The following GLIS2 variants were observed in gnomAD, a reference collection of about 807,000 sequenced individuals.
The protein encoded by GLIS2 is zinc finger protein GLIS2.
A neutral mutation model predicts 35.6 loss-of-function variants in GLIS2; 14 were observed. The observed-to-expected ratio is 0.39, with a 90% CI of 0.26 to 0.61. The LOEUF is 0.61. Ranked by LOEUF, GLIS2 falls within the 20% of genes least tolerant of loss-of-function variation. GLIS2 has a pLI of 0.48. For missense variants in GLIS2, 675 were observed against 713.4 expected (o/e 0.95, Z 0.61); for synonymous variants, 368 against 325.1 (o/e 1.13, Z -1.42).
At chr16:4,327,487 A>G (rs2053445115) in intron 1 of GLIS2, among the ~76,000 whole-genome samples, 1 of 152,046 alleles carries the variant, frequency 6.6e-6, no homozygotes, top group South Asian at 2.1e-4. Flanking sequence ...GCCTTCCAGT[A>G]GGGAGGGTGG....
At chr16:4,315,900 G>C (rs1346886748), upstream of GLIS2, among the ~76,000 whole-genome samples, 2 of 148,920 alleles carry the variant, frequency 1.3e-5, no homozygotes, top group African/African-American at 2.5e-5. Context: ...TTTGCTGGGA[G>C]GGAGGGAGCG....
rs1275277625 is a variant in GLIS2, at chr16:4,316,138, C to T, written c.-183C>T. On this transcript the variant is annotated 5_prime_UTR_variant, in exon 1 of 7. Transcript: ENST00000433375. ...GGCGGCCGTGCCAGGGGAGCCCGCG[C>T]CCCGTGAGGCCTCGCGCCCCGGCCC... is the stretch of plus-strand genomic sequence containing the variant. 7.9e-3 allele frequency among the ~76,000 whole-genome samples: 1 copy of T among 126 alleles called. No homozygotes were observed. The highest frequency in any genetic ancestry group is 0.026 in the African/African-American group (1 of 38). The allele number at this position is 126 out of a possible 152,430, so 0.1% of individuals were successfully genotyped here.
rs977793955 is a variant in GLIS2, at chr16:4,339,234, C to T, written c.*1710C>T. On this transcript the variant is annotated 3_prime_UTR_variant, in exon 7 of 7. Coordinates refer to ENST00000433375, the MANE Select transcript of GLIS2 (RefSeq NM_032575.3). ...CCCCACCCAGGCCCTGAGCACCCCC[C>T]ACCCCTGTGAGGGCCCCAGGCCTTA... 6.5e-6 allele frequency: 1 copy of T among 152,766 alleles called. No individual in the cohort carries two copies. The highest frequency in any genetic ancestry group is 6.5e-5 in the Admixed American group (1 of 15,326). 9.5% of individuals were successfully genotyped at this position (152,766 alleles called of 1,614,324 possible).
At chr16:4,333,650 A>G (rs2053520591) in intron 3 of GLIS2, 131 bp downstream of exon 3, 1 of 1,083,438 alleles carries the variant, frequency 9.2e-7, no homozygotes, top group Non-Finnish European at 1.3e-6. Context: ...GCTGGAGTCT[A>G]CCTGGAAGGC....
At chr16:4,329,582 C>T (rs565866510) in intron 1 of GLIS2, among the ~76,000 whole-genome samples, 1 of 152,250 alleles carries the variant, frequency 6.6e-6, no homozygotes, top group South Asian at 2.1e-4. Flanking sequence ...ATTTTATGCC[C>T]TACTTGCTTG....
intron 1 of GLIS2, among the ~76,000 whole-genome samples, chr16:4,319,571 C>T (rs1014485854): frequency 6.6e-6 from 1 of 152,190 alleles, no homozygotes; most frequent in African/African-American, 2.4e-5. Context: ...GCGAGTCTCC[C>T]GGGCCACATC....
At chr16:4,317,386 G>A (rs1197457457) in intron 1 of GLIS2, among the ~76,000 whole-genome samples, 3 of 152,272 alleles carry the variant, frequency 2.0e-5, no homozygotes, top group East Asian at 3.9e-4. Flanking sequence ...GCCATCCTGC[G>A]TGTCCTGGCA....
chr16:4,333,598 G>A, intron 3 of GLIS2, 79 bp downstream of exon 3: 2 of 1,445,494 alleles, frequency 1.4e-6, no homozygotes, highest in South Asian at 2.6e-5. Flanking sequence ...CCAACACTGA[G>A]TGGTTTAAAA....
At chr16:4,316,615 C>T (rs760493129) in intron 1 of GLIS2, among the ~76,000 whole-genome samples, 4 of 151,794 alleles carry the variant, frequency 2.6e-5, no homozygotes, top group African/African-American at 9.7e-5. Context: ...GGGGGGTACC[C>T]GGAGCCTGGG....
In GLIS2 at chr16:4,334,891, G is replaced by GCCT. The variant is rs774507042; in HGVS notation, c.443_445dup (p.Ser148dup). 2 of 1,613,120 alleles carry GCCT rather than the reference G, an allele frequency of 1.2e-6. No homozygotes were observed. Among genetic ancestry groups the GCCT allele is most frequent in the Non-Finnish European group, 8.5e-7 (1 of 1,180,012 alleles). On this transcript the variant is annotated inframe_insertion, in exon 4 of 7. Coordinates refer to ENST00000433375, the MANE Select transcript of GLIS2 (RefSeq NM_032575.3). Reference sequence around the variant, plus strand: ...CTCCGGGGGGGCCCTGCACCTGCCTGCCTCCTCCTTCCTTACCCCTCCCAA... The same window carrying GCCT: ...CTCCGGGGGGGCCCTGCACCTGCCTGCCTCCTCCTCCTTCCTTACCCCTCCCAA...
At chr16:4,324,299 C>A (rs764646059) in intron 1 of GLIS2, among the ~76,000 whole-genome samples, 3 of 149,852 alleles carry the variant, frequency 2.0e-5, no homozygotes, top group Non-Finnish European at 4.4e-5. Flanking sequence ...CTGGGCCAGG[C>A]CTCAGGATAA....
At chr16:4,331,309 A>T (rs1177370296) in intron 1 of GLIS2, among the ~76,000 whole-genome samples, 1 of 152,192 alleles carries the variant, frequency 6.6e-6, no homozygotes. Flanking sequence ...AAACAATGGC[A>T]TGAGTGATCT....
chr16:4,322,518 A>G (rs553313364), intron 1 of GLIS2, among the ~76,000 whole-genome samples: 1 of 152,224 alleles, frequency 6.6e-6, no homozygotes, highest in East Asian at 1.9e-4. Flanking sequence ...TGCAGCAGGC[A>G]TGCTGACCGG....
In GLIS2 at chr16:4,334,960, G is replaced by A. The variant is rs144844035; in HGVS notation, c.505G>A (p.Val169Met). The change falls in exon 4 of 7, where the codon GTG (valine) becomes ATG (methionine). Residue 169 changes from valine to methionine, a missense_variant. This residue lies in a region of GLIS2 where 225 missense variants were observed against 238.7 expected (regional missense o/e 0.94). Coordinates refer to ENST00000433375, the MANE Select transcript of GLIS2 (RefSeq NM_032575.3). ...AGACCTGCCCCTGCCCAAGCAGCTG[G>A]TGTGTCGCTGGGCCAAGGTGAGTGG... ...SPDLPLPKQL[V>M]CRWAKCNQLF... 3.8e-4 allele frequency: 615 copies of A among 1,613,216 alleles called. No homozygotes were observed. Among genetic ancestry groups the A allele is most frequent in the Non-Finnish European group, 5.1e-4 (598 of 1,180,038 alleles).
intron 1 of GLIS2, among the ~76,000 whole-genome samples, chr16:4,322,353 G>A (rs115886890): frequency 8.9e-4 from 136 of 152,276 alleles, no homozygotes; most frequent in African/African-American, 3.2e-3. Flanking sequence ...CAGATCAGCC[G>A]GGCCATAGCC....
intron 1 of GLIS2, among the ~76,000 whole-genome samples, chr16:4,322,225 CTCT>C (rs932722168): frequency 2.0e-5 from 3 of 152,070 alleles, no homozygotes; most frequent in Non-Finnish European, 2.9e-5. Context: ...GCAGGTGGCA[CTCT>C]TCTGTGTAGA....
intron 1 of GLIS2, among the ~76,000 whole-genome samples, chr16:4,329,681 G>C (rs1305654833): frequency 6.6e-6 from 1 of 152,198 alleles, no homozygotes; most frequent in East Asian, 1.9e-4. Context: ...GGCTATGCTA[G>C]CCCCCAGGGA....
rs773808492 is a variant in GLIS2 at position 4,334,961 on chromosome 16, T to C, written c.506T>C (p.Val169Ala). 3 of 1,612,898 alleles carry C rather than the reference T, an allele frequency of 1.9e-6. No individual in the cohort carries two copies. Among genetic ancestry groups the C allele is most frequent in the East Asian group, 4.5e-5 (2 of 44,854 alleles). Residue 169 changes from valine (V) to alanine (A), a missense_variant, in exon 4 of 7, where the codon GTG (valine) becomes GCG (alanine). By Grantham distance (64) the Val-to-Ala change is moderately conservative. This residue lies in a region of GLIS2 where 225 missense variants were observed against 238.7 expected (regional missense o/e 0.94). Transcript: ENST00000433375. ...SPDLPLPKQL[V>A]CRWAKCNQLF... ...GACCTGCCCCTGCCCAAGCAGCTGG[T>C]GTGTCGCTGGGCCAAGGTGAGTGGG...
intron 1 of GLIS2, among the ~76,000 whole-genome samples, chr16:4,322,592 G>A (rs896520738): frequency 2.6e-5 from 4 of 152,102 alleles, no homozygotes; most frequent in African/African-American, 4.8e-5. Flanking sequence ...AGGCTGACCC[G>A]GATCTGTGCC....
Sources: gnomAD v4.1 joint callset for allele counts (sites outside exome capture counted in the v4.1 genomes callset) on GRCh38, gnomAD v4.1.1 for gene constraint, gnomAD v4.1.1 regional missense constraint, MANE v1.5 for transcripts, NCBI Gene and HGNC (gene_info 2026-07-23, HGNC 2026-07-21) for gene names.